The following MFNG variants were observed in gnomAD, a reference collection of about 807,000 sequenced individuals.
MFNG encodes beta-1,3-N-acetylglucosaminyltransferase manic fringe.
MFNG carries 24 observed loss-of-function variants against 34.2 expected under a neutral mutation model. That is an observed-to-expected ratio of 0.70 (90% CI 0.51 to 0.99). The LOEUF is 0.99. Ranked by LOEUF, MFNG falls within the 50% of genes least tolerant of loss-of-function variation. The pLI, the probability that MFNG is intolerant of heterozygous loss-of-function variation, is 0.00. For synonymous variants in MFNG, 158 were observed against 179.2 expected (o/e 0.88, Z 0.94); for missense variants, 383 against 424.0 (o/e 0.90, Z 0.85).
rs1211580074 is a variant in MFNG at position 37,483,586 on chromosome 22, G to C, written c.255+2337C>G. ...ATTTGAGGCCAGGAGTTCAAGACCA[G>C]CCTGGCCAACATGGCAAAACCCCAT... On this transcript the variant is annotated intron_variant, in intron 1 of 7. Transcript: ENST00000356998. This position sits in a 1 kb window ranked among gnomAD's most constrained non-coding sequence, Gnocchi z 4.5. 6.6e-6 allele frequency among the ~76,000 whole-genome samples: 1 copy of C among 151,638 alleles called. No homozygotes were observed. Among genetic ancestry groups the C allele is most frequent in the African/African-American group, 2.4e-5 (1 of 41,220 alleles).
At chr22:37,480,893 C>G (rs774317825) in intron 1 of MFNG, 124 bp from the exon 2 acceptor site, 12 of 791,262 alleles carry the variant, frequency 1.5e-5, no homozygotes, top group Non-Finnish European at 2.1e-5. Context: ...ACACACCCCT[C>G]TCATGGTCAC....
At chr22:37,479,250 C>T (rs1922173843) in intron 4 of MFNG, 95 bp downstream of exon 4, 1 of 1,365,480 alleles carries the variant, frequency 7.3e-7, no homozygotes, top group Middle Eastern at 2.5e-4. Flanking sequence ...AAACCCAGAA[C>T]CCCTCTCACC....
At chr22:37,477,104 T>A in intron 4 of MFNG, 123 bp from the exon 5 acceptor site, 1 of 773,188 alleles carries the variant, frequency 1.3e-6, no homozygotes, top group Non-Finnish European at 2.2e-6. Context: ...TGAATCTCAC[T>A]AGAGTCTTGC....
At chr22:37,480,491 G>A (rs1922246263) in intron 2 of MFNG, among the ~76,000 whole-genome samples, 192 bp from the exon 3 acceptor site, 1 of 152,180 alleles carries the variant, frequency 6.6e-6, no homozygotes, top group Non-Finnish European at 1.5e-5. Context: ...ACAGCAGGCT[G>A]GGCTGGGACT....
chr22:37,471,557 G>A (rs1182152844), intron 7 of MFNG, among the ~76,000 whole-genome samples: 3 of 152,124 alleles, frequency 2.0e-5, no homozygotes, highest in South Asian at 4.1e-4. Flanking sequence ...TGGGCCGGGG[G>A]CAGCGGCTCA....
At chr22:37,480,973 C>G (rs1922267497) in intron 1 of MFNG, 1 of 601,356 alleles carries the variant, frequency 1.7e-6, no homozygotes, top group Admixed American at 2.8e-5. Context: ...AGGGTGTACA[C>G]AGCCCACAGT....
At position 37,476,990 on chromosome 22, in the gene MFNG, G is replaced by A. The variant is rs756383750; in HGVS notation, c.562-9C>T. 1.2e-6 allele frequency: 2 copies of A among 1,613,758 alleles called. No homozygotes were observed. The highest frequency in any genetic ancestry group is 2.2e-5 in the East Asian group (1 of 44,890). ...CAGAACTGTACCAGCCTCTGAGAGA[G>A]AGGAAGGCCAAGGGGCAGAGTGAGC... On this transcript the variant is annotated splice_polypyrimidine_tract_variant and intron_variant, in intron 4 of 7. Transcript: ENST00000356998.
chr22:37,472,114 C>T (rs551128001), intron 7 of MFNG, among the ~76,000 whole-genome samples: 1 of 152,282 alleles, frequency 6.6e-6, no homozygotes, highest in Admixed American at 6.5e-5. Flanking sequence ...GAGAGCGTTG[C>T]CTGTGCTCAG....
chr22:37,479,585 C>T (rs530147960), intron 3 of MFNG, 87 bp from the exon 4 acceptor site: 26 of 1,530,800 alleles, frequency 1.7e-5, no homozygotes, highest in South Asian at 1.2e-4. Flanking sequence ...TCAACAGTGA[C>T]GGAATGGGGG....
chr22:37,471,250 G>A (rs1177713629), intron 7 of MFNG, among the ~76,000 whole-genome samples: 1 of 152,134 alleles, frequency 6.6e-6, no homozygotes, highest in Non-Finnish European at 1.5e-5. Context: ...GCAGAATCAG[G>A]GCTCCTTCCC....
rs760702884 is a variant in MFNG at position 37,472,498 on chromosome 22, T to A, written c.844A>T (p.Lys282Ter). Residue 282 changes from lysine to a stop codon, truncating the protein, a stop_gained, in exon 7 of 8, where the codon AAA becomes TAA. Coordinates refer to ENST00000356998, the MANE Select transcript of MFNG (RefSeq NM_002405.4). LOFTEE classifies it high-confidence loss of function. ...VTLSYGVFEGKLNVIKLQGPF... is the reference protein window; with the variant it reads ...VTLSYGVFEG ...CCCTGTAGCTTAATGACGTTGAGTT[T>A]CCCCTCAAAGACACCGTAGCTGAGG... is the stretch of plus-strand genomic sequence containing the variant. 2 of 1,582,612 alleles carry A rather than the reference T, an allele frequency of 1.3e-6. No individual in the cohort carries two copies. Among genetic ancestry groups the A allele is most frequent in the Non-Finnish European group, 1.7e-6 (2 of 1,167,280 alleles).
intron 5 of MFNG, among the ~76,000 whole-genome samples, chr22:37,475,785 C>T (rs1922010446): frequency 6.6e-6 from 1 of 152,180 alleles, no homozygotes; most frequent in Non-Finnish European, 1.5e-5. Flanking sequence ...CTAATTCACA[C>T]AAAGGTAATT....
At chr22:37,473,080 C>T (rs1458793482) in intron 6 of MFNG, among the ~76,000 whole-genome samples, 1 of 152,104 alleles carries the variant, frequency 6.6e-6, no homozygotes, top group Non-Finnish European at 1.5e-5. Context: ...CTCATTTTCC[C>T]CATCTATAGA....
Position 37,479,390 on chromosome 22 carries a change from C to G in MFNG, c.516G>C (p.Leu172=), listed in dbSNP as rs1922185500. Reference sequence around the variant, plus strand: ...GCTCTGAGGCATGGATGGGCCGGTTCAGGCTGGGCCTTCCCACATAGACGT... The same window carrying G: ...GCTCTGAGGCATGGATGGGCCGGTTGAGGCTGGGCCTTCCCACATAGACGT... ...ARDVYVGRPS[L]NRPIHASEPQ... is the part of the protein sequence containing the mutation. Residue 172 remains leucine, a synonymous_variant, in exon 4 of 8, where the codon CTG becomes CTC. Coordinates refer to ENST00000356998, the MANE Select transcript of MFNG (RefSeq NM_002405.4). The G allele has an allele frequency of 6.2e-7, 1 of 1,606,820 alleles. No individual in the cohort carries two copies. The highest frequency in any genetic ancestry group is 8.5e-7 in the Non-Finnish European group (1 of 1,176,496).
At chr22:37,476,853 AC>A (rs1241072058) in intron 5 of MFNG, 42 bp downstream of exon 5, 2 of 1,288,858 alleles carry the variant, frequency 1.6e-6, no homozygotes, top group Non-Finnish European at 1.1e-6. Flanking sequence ...CCCAGCTGCC[AC>A]CCCCTCCCCG....
At chr22:37,480,985 T>G (rs1922267614) in intron 1 of MFNG, 1 of 586,034 alleles carries the variant, frequency 1.7e-6, no homozygotes, top group Admixed American at 2.9e-5. Context: ...GCCCACAGTC[T>G]AAACACATAC....
rs904013395 is a variant in MFNG at position 37,482,932 on chromosome 22, T to A, written c.256-2163A>T. ...CCGCTTCTCCATGAAGCCCACTCCG[T>A]CAGTGACGCCATGCAGCCTCTCAGC... On this transcript the variant is annotated intron_variant, in intron 1 of 7. Transcript: ENST00000356998. The surrounding 1 kb of genome is among the most constrained non-coding windows in gnomAD (Gnocchi z 4.1). 6.6e-6 allele frequency among the ~76,000 whole-genome samples: 1 copy of A among 152,186 alleles called. No individual in the cohort carries two copies. The highest frequency in any genetic ancestry group is 2.4e-5 in the African/African-American group (1 of 41,454).
chr22:37,470,879 G>A (rs891244124), intron 7 of MFNG, among the ~76,000 whole-genome samples: 1 of 152,168 alleles, frequency 6.6e-6, no homozygotes, highest in African/African-American at 2.4e-5. Flanking sequence ...ACCTTGAGCA[G>A]GTCAAGGCCT....
At position 37,474,592 on chromosome 22, in the gene MFNG, C is replaced by T. The variant is rs367778810; in HGVS notation, c.733G>A (p.Gly245Ser). Residue 245 changes from glycine to serine, a missense_variant, in exon 6 of 8, where the codon GGC (glycine) becomes AGC (serine). Transcript: ENST00000356998. Reference sequence around the variant, plus strand: ...AAGAGGGGGCTGGGCTGCAGGCGGCCGCCCAGCTTGCACTCAATGATATAG... The same window carrying T: ...AAGAGGGGGCTGGGCTGCAGGCGGCTGCCCAGCTTGCACTCAATGATATAG... ...MGYIIECKLG[G>S]RLQPSPLFHS... The T allele has an allele frequency of 7.2e-5, 117 of 1,614,118 alleles. No individual in the cohort carries two copies. Among genetic ancestry groups the T allele is most frequent in the South Asian group, 1.4e-4 (13 of 91,080 alleles).
Sources: allele counts gnomAD v4.1 joint callset (sites outside exome capture counted in the v4.1 genomes callset), GRCh38; gene constraint gnomAD v4.1.1; non-coding constraint Gnocchi (gnomAD v3.1); transcripts MANE v1.5; gene names NCBI Gene and HGNC (gene_info 2026-07-23, HGNC 2026-07-21).